The following ARL5B variants were observed in gnomAD, a reference collection of about 807,000 sequenced individuals.
ARL5B encodes the protein ARF like GTPase 5B.
ARL5B carries 10 observed loss-of-function variants against 26.9 expected under a neutral mutation model. The ratio of observed to expected loss-of-function variants is 0.37; its 90% confidence interval spans 0.23 to 0.63. The LOEUF is 0.63. Among genes scored for constraint, ARL5B ranks in the 30% least tolerant of loss-of-function variants. The probability of loss-of-function intolerance (pLI) is 0.62; values close to 1 mark genes in which losing one functional copy is unlikely to be tolerated. For missense variants in ARL5B, 167 were observed against 213.9 expected (o/e 0.78, Z 1.37); for synonymous variants, 87 against 70.4 (o/e 1.24, Z -1.18).
chr10:18,666,019 T>G (rs942608405), intron 1 of ARL5B, among the ~76,000 whole-genome samples: 2 of 152,162 alleles, frequency 1.3e-5, no homozygotes, highest in Non-Finnish European at 2.9e-5. Flanking sequence ...GTTGAAAAAA[T>G]GTTAAACAAT....
In ARL5B at chr10:18,676,408, TAAC is replaced by T. The variant is rs1443800105; in HGVS notation, c.*1196_*1198del. ...ATAGGAGACTCAAAGTTAATATTCTTAACAACTTAAAATTAAAAAAAGTCATAA... is the reference window on the plus strand; with the variant it reads ...ATAGGAGACTCAAAGTTAATATTCTTAACTTAAAATTAAAAAAAGTCATAA... On this transcript the variant is annotated 3_prime_UTR_variant, in exon 6 of 6. Transcript: ENST00000377275. 5.9e-5 allele frequency: 9 copies of T among 152,062 alleles called. No individual in the cohort carries two copies. Among genetic ancestry groups the T allele is most frequent in the African/African-American group, 1.9e-4 (8 of 41,546 alleles). 9.4% of individuals were successfully genotyped at this position (152,062 alleles called of 1,614,324 possible).
chr10:18,663,618 G>T (rs568351354), intron 1 of ARL5B, among the ~76,000 whole-genome samples: 2 of 127,934 alleles, frequency 1.6e-5, no homozygotes, highest in Non-Finnish European at 3.1e-5. Flanking sequence ...GCGTTATCTC[G>T]GCTCACTGCA....
Position 18,659,444 on chromosome 10 carries a change from CAA to C in ARL5B, c.-192_-191del. On this transcript the variant is annotated 5_prime_UTR_variant, in exon 1 of 6. Transcript: ENST00000377275. Reference sequence around the variant, plus strand: ...GGCGTTGGGCTCAGTGGGCTCGAAACAAAGGGCTGTCCGGTGGGGATTCGTCG... The same window carrying C: ...GGCGTTGGGCTCAGTGGGCTCGAAACAGGGCTGTCCGGTGGGGATTCGTCG... 1.5e-6 allele frequency: 1 copy of C among 683,344 alleles called. No individual in the cohort carries two copies. Among genetic ancestry groups the C allele is most frequent in the Non-Finnish European group, 2.3e-6 (1 of 435,318 alleles). 42.3% of individuals were successfully genotyped at this position (683,344 alleles called of 1,614,324 possible).
In ARL5B at chr10:18,679,000, C is replaced by G. The variant is rs889660149; in HGVS notation, c.*3784C>G. 11 of 151,802 alleles carry G rather than the reference C, an allele frequency of 7.2e-5. No homozygotes were observed. The highest frequency in any genetic ancestry group is 2.0e-4 in the Admixed American group (3 of 15,242). 9.4% of individuals were successfully genotyped at this position (151,802 alleles called of 1,614,324 possible). On this transcript the variant is annotated 3_prime_UTR_variant, in exon 6 of 6. Coordinates refer to ENST00000377275, the MANE Select transcript of ARL5B (RefSeq NM_178815.5). ...CTACTATTAAAAATTAAAAATCCCTCAAATAGTAGGGCAATACAGGTAATA... is the reference window on the plus strand; with the variant it reads ...CTACTATTAAAAATTAAAAATCCCTGAAATAGTAGGGCAATACAGGTAATA...
intron 1 of ARL5B, among the ~76,000 whole-genome samples, chr10:18,664,140 G>T (rs893797805): frequency 6.6e-6 from 1 of 151,736 alleles, no homozygotes; most frequent in Non-Finnish European, 1.5e-5. Context: ...TTTTAGTAGA[G>T]ACGGAGTTTC....
intron 3 of ARL5B, among the ~76,000 whole-genome samples, chr10:18,671,852 A>G (rs557266223): frequency 1.3e-5 from 2 of 152,210 alleles, no homozygotes; most frequent in Non-Finnish European, 2.9e-5. Context: ...GGTTCTCACT[A>G]TGTTGCCCAA....
At chr10:18,669,210 A>G (rs536684317) in intron 3 of ARL5B, among the ~76,000 whole-genome samples, 4 of 152,238 alleles carry the variant, frequency 2.6e-5, no homozygotes, top group South Asian at 4.1e-4. Flanking sequence ...TGGAGCTATT[A>G]TTACTTGAGT....
intron 3 of ARL5B, 77 bp downstream of exon 3, chr10:18,668,754 G>C: frequency 6.9e-7 from 1 of 1,443,350 alleles, no homozygotes; most frequent in Non-Finnish European, 9.3e-7. Flanking sequence ...CTGCACCTGG[G>C]CGTATTGACA....
rs1239863972 is a variant in ARL5B, at chr10:18,677,088, C to A, written c.*1872C>A. On this transcript the variant is annotated 3_prime_UTR_variant, in exon 6 of 6. Transcript: ENST00000377275. The stretch of plus-strand genomic sequence containing the variant: ...TGCCATTTACCTAAGCACAGTTTGC[C>A]TGAATTTCTGCTTGGTTGTGTTGTT... The A allele has an allele frequency of 6.6e-6, 1 of 151,940 alleles. No homozygotes were observed. The highest frequency in any genetic ancestry group is 2.4e-5 in the African/African-American group (1 of 41,286). The allele number at this position is 151,940 out of a possible 1,614,324, so 9.4% of individuals were successfully genotyped here.
At chr10:18,672,731 A>T (rs754946345) in intron 4 of ARL5B, 26 bp downstream of exon 4, 1 of 1,535,766 alleles carries the variant, frequency 6.5e-7, no homozygotes, top group Non-Finnish European at 9.0e-7. Context: ...AAATCTTTAA[A>T]AAACAGTGTA....
chr10:18,659,699 C>T lies in ARL5B; in HGVS notation c.46+16C>T, dbSNP rs573704740. On this transcript the variant is annotated intron_variant, in intron 1 of 5. Transcript: ENST00000377275. Reference sequence around the variant, plus strand: ...TGTAACCAAGGTGAGAAGAATGGAGCTGCGCGGCGGCTCGAATCCGAGGCA... The same window carrying T: ...TGTAACCAAGGTGAGAAGAATGGAGTTGCGCGGCGGCTCGAATCCGAGGCA... The T allele has an allele frequency of 8.1e-6, 13 of 1,610,468 alleles. No individual in the cohort carries two copies. The highest frequency in any genetic ancestry group is 4.4e-5 in the South Asian group (4 of 90,402).
In ARL5B at chr10:18,680,897, T is replaced by C. The variant is rs912132677; in HGVS notation, c.*5681T>C. The C allele has an allele frequency of 1.3e-5, 2 of 152,202 alleles. No homozygotes were observed. The highest frequency in any genetic ancestry group is 6.5e-5 in the Admixed American group (1 of 15,272). 9.4% of individuals were successfully genotyped at this position (152,202 alleles called of 1,614,324 possible). A position where few individuals can be genotyped will look rare whatever the true frequency, so the allele number is the denominator to read the frequency against. Reference sequence around the variant, plus strand: ...GCTATTTTAACATAAATTGGTGCTTTAGAGCATTAAAGAGGAAGCAGCAGG... The same window carrying C: ...GCTATTTTAACATAAATTGGTGCTTCAGAGCATTAAAGAGGAAGCAGCAGG... On this transcript the variant is annotated 3_prime_UTR_variant, in exon 6 of 6. Transcript: ENST00000377275.
At chr10:18,669,219 G>A (rs1046542524) in intron 3 of ARL5B, among the ~76,000 whole-genome samples, 2 of 152,116 alleles carry the variant, frequency 1.3e-5, no homozygotes, top group Non-Finnish European at 2.9e-5. Context: ...TATTACTTGA[G>A]TGCTTACTGT....
At position 18,677,315 on chromosome 10, in the gene ARL5B, A is replaced by G. The variant is rs1178503597; in HGVS notation, c.*2099A>G. ...ATATTAAAAGTGTTTTTAATAGTTG[A>G]TTGTATTTTGCCAACTACTAGTATA... On this transcript the variant is annotated 3_prime_UTR_variant, in exon 6 of 6. Coordinates refer to ENST00000377275, the MANE Select transcript of ARL5B (RefSeq NM_178815.5). 6.6e-6 allele frequency: 1 copy of G among 152,104 alleles called. No individual in the cohort carries two copies. The highest frequency in any genetic ancestry group is 1.5e-5 in the Non-Finnish European group (1 of 67,774). The allele number at this position is 152,104 out of a possible 1,614,324, so 9.4% of individuals were successfully genotyped here.
In ARL5B at chr10:18,676,870, T is replaced by C. The variant is rs576014644; in HGVS notation, c.*1654T>C. The C allele has an allele frequency of 6.6e-6, 1 of 152,388 alleles. No homozygotes were observed. Among genetic ancestry groups the C allele is most frequent in the African/African-American group, 2.4e-5 (1 of 41,542 alleles). The allele number at this position is 152,388 out of a possible 1,614,324, so 9.4% of individuals were successfully genotyped here. On this transcript the variant is annotated 3_prime_UTR_variant, in exon 6 of 6. Transcript: ENST00000377275. ...AACTGAACAGTGGCCAAAGGAAAGC[T>C]TTCTGGGCTTTGGAAAGTAGTTGTT...
chr10:18,661,147 C>T (rs184151364), intron 1 of ARL5B, among the ~76,000 whole-genome samples: 1 of 152,162 alleles, frequency 6.6e-6, no homozygotes, highest in Admixed American at 6.5e-5. Flanking sequence ...CCGCGCCCAG[C>T]GGTAAAACAG....
At chr10:18,666,042 A>G (rs545230836) in intron 1 of ARL5B, among the ~76,000 whole-genome samples, 152 of 152,366 alleles carry the variant, frequency 1.0e-3, no homozygotes, top group African/African-American at 3.4e-3. Flanking sequence ...GTAATTGTGT[A>G]AAAACTTGAG....
intron 2 of ARL5B, among the ~76,000 whole-genome samples, chr10:18,667,029 T>TGTGAA (rs1554892282): frequency 6.6e-6 from 1 of 151,334 alleles, no homozygotes; most frequent in Non-Finnish European, 1.5e-5. Flanking sequence ...TAGCCAGACT[T>TGTGAA]GTCAAAAGAA....
chr10:18,659,511 A>G lies in ARL5B; in HGVS notation c.-127A>G. The G allele has an allele frequency of 1.6e-6, 2 of 1,233,844 alleles. No homozygotes were observed. The highest frequency in any genetic ancestry group is 2.2e-6 in the Non-Finnish European group (2 of 918,620). The allele number at this position is 1,233,844 out of a possible 1,614,324, so 76.4% of individuals were successfully genotyped here. A position where few individuals can be genotyped will look rare whatever the true frequency, so the allele number is the denominator to read the frequency against. Reference sequence around the variant, plus strand: ...TGGTCGGGTCGAGGCTTCTCGGCCTAGCAGTGCCCTCGCTGCGCGATCTCA... The same window carrying G: ...TGGTCGGGTCGAGGCTTCTCGGCCTGGCAGTGCCCTCGCTGCGCGATCTCA... On this transcript the variant is annotated 5_prime_UTR_variant, in exon 1 of 6. Transcript: ENST00000377275.
Sources: allele counts gnomAD v4.1 joint callset (sites outside exome capture counted in the v4.1 genomes callset), GRCh38; gene constraint gnomAD v4.1.1; transcripts MANE v1.5; gene names NCBI Gene and HGNC (gene_info 2026-07-23, HGNC 2026-07-21).